The following ZNF600 variants were observed in gnomAD, a reference collection of about 807,000 sequenced individuals.
ZNF600 encodes zinc finger protein 600, also known as zinc finger protein KR-ZNF1.
Under a neutral mutation model 7.3 loss-of-function variants are expected in ZNF600, and 4 were observed. The observed-to-expected ratio is 0.55, with a 90% CI of 0.27 to 1.25. The LOEUF is 1.25. ZNF600 is among the 50% of genes most tolerant of loss of function. ZNF600 has a pLI of 0.12. For synonymous variants in ZNF600, 290 were observed against 308.9 expected, an observed-to-expected ratio of 0.94 and a Z score of 0.64; for missense variants, 911 against 922.1, an observed-to-expected ratio of 0.99 and a Z score of 0.16.
the ZNF600 span, among the ~76,000 whole-genome samples, chr19:52,819,697 T>C: frequency 9.1e-5 from 13 of 142,466 alleles, 1 homozygote; most frequent in African/African-American, 3.2e-4. Flanking sequence ...GCTAATGGGA[T>C]GGACTGGTCT....
intron 3 of ZNF600, among the ~76,000 whole-genome samples, chr19:52,771,007 A>G (rs2062625919): frequency 6.6e-6 from 1 of 151,742 alleles, no homozygotes; most frequent in South Asian, 2.1e-4. Flanking sequence ...CTCATTTTGT[A>G]TTTTTAGTAG....
the ZNF600 span, chr19:52,801,073 G>A: frequency 4.0e-5 from 64 of 1,614,090 alleles, no homozygotes; most frequent in African/African-American, 7.3e-4. Flanking sequence ...TGGCATGCAA[G>A]GTATCGCTTC....
chr19:52,781,731 C>A (rs2062723157), intron 1 of ZNF600, among the ~76,000 whole-genome samples: 1 of 151,242 alleles, frequency 6.6e-6, no homozygotes, highest in Admixed American at 6.6e-5. Context: ...CCACTGCATT[C>A]CAGCCTAGGT....
the ZNF600 span, chr19:52,798,927 T>C: frequency 7.0e-7 from 1 of 1,432,208 alleles, no homozygotes; most frequent in Non-Finnish European, 9.4e-7. Flanking sequence ...CCACACTCAT[T>C]GCACTTGTAA....
the ZNF600 span, among the ~76,000 whole-genome samples, chr19:52,807,279 G>C: frequency 6.6e-6 from 1 of 152,120 alleles, no homozygotes; most frequent in African/African-American, 2.4e-5. Flanking sequence ...TGTTTCTGTA[G>C]GAAAGAAGAC....
intron 1 of ZNF600, among the ~76,000 whole-genome samples, chr19:52,784,320 C>T (rs953239857): frequency 6.6e-6 from 1 of 152,148 alleles, no homozygotes; most frequent in African/African-American, 2.4e-5. Context: ...GGAGGAGGAT[C>T]GCTTGAGCCT....
chr19:52,779,003 A>G, intron 1 of ZNF600, 96 bp from the exon 4 acceptor site: 1 of 1,149,224 alleles, frequency 8.7e-7, no homozygotes, highest in Non-Finnish European at 1.2e-6. Flanking sequence ...CCCAGCAGAA[A>G]GAAGTCCCCC....
chr19:52,811,452 C>T, the ZNF600 span, among the ~76,000 whole-genome samples: 2 of 147,696 alleles, frequency 1.4e-5, no homozygotes, highest in African/African-American at 2.6e-5. Flanking sequence ...GCGAGGAGCG[C>T]CTCTTCCCCG....
At chr19:52,810,444 A>G in the ZNF600 span, 2 of 1,599,352 alleles carry the variant, frequency 1.3e-6, no homozygotes, top group Non-Finnish European at 1.7e-6. Context: ...GTTTGCATAT[A>G]TAGAGTTCTC....
upstream of ZNF600, among the ~76,000 whole-genome samples, chr19:52,789,035 A>G (rs761118741): frequency 2.0e-5 from 3 of 152,208 alleles, no homozygotes; most frequent in Non-Finnish European, 2.9e-5. Flanking sequence ...AAAAAGGATC[A>G]CACAGAACAG....
exon 4 of ZNF600, chr19:52,766,516 A>T (rs779010921): frequency 1.2e-6 from 2 of 1,613,948 alleles, no homozygotes; most frequent in Non-Finnish European, 1.7e-6. Flanking sequence ...TTACACTTGT[A>T]AGGTTTTCCT....
chr19:52,817,152 C>A, the ZNF600 span, among the ~76,000 whole-genome samples: 1 of 152,106 alleles, frequency 6.6e-6, no homozygotes, highest in African/African-American at 2.4e-5. Context: ...GTAGGCGGAT[C>A]GCCTGAGGTC....
At chr19:52,765,702 G>T in exon 4 of ZNF600, 1 of 1,613,104 alleles carries the variant, frequency 6.2e-7, no homozygotes, top group Non-Finnish European at 8.5e-7. Flanking sequence ...GTGAAGTCCA[G>T]TATGTTGTTT....
the ZNF600 span, among the ~76,000 whole-genome samples, chr19:52,802,783 C>T: frequency 0.77 from 110,570 of 144,112 alleles, 43,616 homozygotes; most frequent in Non-Finnish European, 0.87. Flanking sequence ...TTTTTTGCGA[C>T]GAAATCTTGC....
At chr19:52,815,252 A>G in the ZNF600 span, among the ~76,000 whole-genome samples, 1 of 145,632 alleles carries the variant, frequency 6.9e-6, no homozygotes. Flanking sequence ...ACAGTGGCTC[A>G]CACCTGTAAT....
upstream of ZNF600, among the ~76,000 whole-genome samples, chr19:52,786,952 C>T (rs374921477): frequency 3.3e-5 from 5 of 152,302 alleles, no homozygotes; most frequent in African/African-American, 7.2e-5. Flanking sequence ...TTTTTGGAGG[C>T]GACAGCGGCC....
the ZNF600 span, among the ~76,000 whole-genome samples, chr19:52,794,848 T>G: frequency 2.0e-5 from 3 of 151,450 alleles, no homozygotes; most frequent in African/African-American, 4.9e-5. Flanking sequence ...AGTGACACTC[T>G]TGTCTCAAAA....
At chr19:52,830,315 TTTCTCAAATAAG>T in the ZNF600 span, among the ~76,000 whole-genome samples, 1 of 152,026 alleles carries the variant, frequency 6.6e-6, no homozygotes, top group Non-Finnish European at 1.5e-5. Context: ...ATTAACATTA[TTTCTCAAATAAG>T]TTCTCAAATA....
chr19:52,801,315 G>A, the ZNF600 span: 66 of 1,614,010 alleles, frequency 4.1e-5, no homozygotes, highest in Non-Finnish European at 4.9e-5. Context: ...AATTCTTTGG[G>A]ATGTTGAAAC....
Sources: gnomAD v4.1 joint callset for allele counts (sites outside exome capture counted in the v4.1 genomes callset) on GRCh38, gnomAD v4.1.1 for gene constraint, MANE v1.5 for transcripts, NCBI Gene and HGNC (gene_info 2026-07-23, HGNC 2026-07-21) for gene names.